Variants in HIRA observed in about 807,000 individuals in gnomAD.
HIRA encodes protein HIRA.
Under a neutral mutation model 126.6 loss-of-function variants are expected in HIRA, and 13 were observed. The ratio of observed to expected loss-of-function variants is 0.10; its 90% CI spans 0.07 to 0.16. The LOEUF (loss-of-function observed/expected upper bound fraction) is 0.16. Among genes scored for constraint, HIRA ranks in the 10% least tolerant of loss-of-function variants. The probability of loss-of-function intolerance (pLI) is 1.00; values close to 1 mark genes in which losing one functional copy is unlikely to be tolerated. For synonymous variants in HIRA, 511 were observed against 520.0 expected (o/e 0.98, Z 0.24); for missense variants, 834 against 1,314.4 (o/e 0.63, Z 5.65).
chr22:19,378,260 G>A (rs1198066586), intron 13 of HIRA, among the ~76,000 whole-genome samples, 194 bp from the exon 14 acceptor site: 3 of 152,206 alleles, frequency 2.0e-5, no homozygotes, highest in East Asian at 3.8e-4. Flanking sequence ...AGGATTTACA[G>A]GTTCTATATG....
chr22:19,410,556 T>C (rs1394952091), intron 2 of HIRA, among the ~76,000 whole-genome samples, 160 bp downstream of exon 2: 1 of 152,268 alleles, frequency 6.6e-6, no homozygotes, highest in Non-Finnish European at 1.5e-5. Flanking sequence ...AGGATTTTGA[T>C]TTTATTCATT....
At position 19,351,477 on chromosome 22, in the gene HIRA, A is replaced by C. The variant is rs1556010882; in HGVS notation, c.2849-31T>G. 22 of 1,464,520 alleles carry C rather than the reference A, an allele frequency of 1.5e-5. No homozygotes were observed. Among genetic ancestry groups the C allele is most frequent in the Non-Finnish European group, 2.1e-5 (22 of 1,051,290 alleles). 90.7% of individuals were successfully genotyped at this position (1,464,520 alleles called of 1,614,324 possible). ...TACAGAAAAACAAACAAACAACAAC[A>C]ACAAAAAACAAAACAGAAATAGGAA... On this transcript the variant is annotated intron_variant, in intron 23 of 24. Transcript: ENST00000263208. The surrounding 1 kb of genome is among the most constrained non-coding windows in gnomAD (Gnocchi z 4.8).
At chr22:19,359,307 G>A (rs993413150) in intron 18 of HIRA, 29 bp downstream of exon 18, 5 of 1,521,130 alleles carry the variant, frequency 3.3e-6, no homozygotes, top group African/African-American at 1.4e-5. Flanking sequence ...TGTGTCACCT[G>A]GGCCGGCTAA....
At chr22:19,385,792 C>A in intron 11 of HIRA, 56 bp from the exon 12 acceptor site, 1 of 1,532,614 alleles carries the variant, frequency 6.5e-7, no homozygotes, top group Non-Finnish European at 8.9e-7. Flanking sequence ...GTGGCCAGTG[C>A]TGCCCACCAG....
In HIRA at chr22:19,375,794, T is replaced by C. The variant is rs988995290; in HGVS notation, c.1614-2A>G. The C allele has an allele frequency of 6.2e-7, 1 of 1,613,918 alleles. No homozygotes were observed. Among genetic ancestry groups the C allele is most frequent in the Non-Finnish European group, 8.5e-7 (1 of 1,179,968 alleles). Reference sequence around the variant, plus strand: ...GCAGGAGTAGAGGTAGCATTCATACTGGGGTGAAGAAGAGGGGAGGCATGT... The same window carrying C: ...GCAGGAGTAGAGGTAGCATTCATACCGGGGTGAAGAAGAGGGGAGGCATGT... On this transcript the variant is annotated splice_acceptor_variant, in intron 14 of 24. Transcript: ENST00000263208. LOFTEE classifies it high-confidence loss of function.
chr22:19,348,236 C>A (rs782155272), intron 24 of HIRA, among the ~76,000 whole-genome samples: 9 of 152,154 alleles, frequency 5.9e-5, no homozygotes, highest in Non-Finnish European at 8.8e-5. Context: ...TCATCTTAGG[C>A]CTCAAACTAT....
At chr22:19,392,067 G>A (rs1048973399) in intron 9 of HIRA, 34 bp downstream of exon 9, 22 of 1,303,270 alleles carry the variant, frequency 1.7e-5, no homozygotes, top group African/African-American at 1.2e-4. Context: ...TACACCTCCC[G>A]TCCTGCAACA....
At position 19,431,424 on chromosome 22, in the gene HIRA, C is replaced by T; in HGVS notation, c.37+16G>A. The T allele has an allele frequency of 1.2e-6, 2 of 1,608,466 alleles. No homozygotes were observed. The highest frequency in any genetic ancestry group is 1.7e-6 in the Non-Finnish European group (2 of 1,178,606). On this transcript the variant is annotated intron_variant, in intron 1 of 24. Coordinates refer to ENST00000263208, the MANE Select transcript of HIRA (RefSeq NM_003325.4). Reference sequence around the variant, plus strand: ...GACTCCGGGCTCGGCCTCCCGCGACCCCTGCGCGCACTCACCATTGTGGTT... The same window carrying T: ...GACTCCGGGCTCGGCCTCCCGCGACTCCTGCGCGCACTCACCATTGTGGTT...
chr22:19,399,909 T>C (rs2089254050), intron 5 of HIRA, among the ~76,000 whole-genome samples: 2 of 152,218 alleles, frequency 1.3e-5, no homozygotes, highest in African/African-American at 4.8e-5. Context: ...TCTAACAACA[T>C]AAATGCAGTG....
chr22:19,359,259 C>T (rs1455959677), intron 18 of HIRA, 77 bp downstream of exon 18: 3 of 1,431,554 alleles, frequency 2.1e-6, no homozygotes, highest in Admixed American at 5.3e-5. Context: ...TGCACCTCCC[C>T]TAGACAGGCC....
chr22:19,377,826 G>C (rs1311609851), intron 14 of HIRA, 43 bp downstream of exon 14: 18 of 1,505,208 alleles, frequency 1.2e-5, no homozygotes, highest in Non-Finnish European at 1.6e-5. Context: ...GTGCAAACCT[G>C]AACTTTCCCC....
intron 6 of HIRA, 86 bp from the exon 7 acceptor site, chr22:19,397,033 G>A (rs1401352727): frequency 7.7e-7 from 1 of 1,293,584 alleles, no homozygotes; most frequent in Non-Finnish European, 1.1e-6. Flanking sequence ...ATATGCAAGA[G>A]AGGGGACTCA....
rs111807876 is a variant in HIRA, at chr22:19,387,848, C to G, written c.1008-32G>C. 303 of 1,519,250 alleles carry G rather than the reference C, an allele frequency of 2.0e-4. 3 individuals are homozygous for G. In the African/African-American group the frequency reaches 3.2e-3, roughly 16 times the overall value. The allele number at this position is 1,519,250 out of a possible 1,614,324, so 94.1% of individuals were successfully genotyped here. On this transcript the variant is annotated intron_variant, in intron 10 of 24. Coordinates refer to ENST00000263208, the MANE Select transcript of HIRA (RefSeq NM_003325.4). Reference sequence around the variant, plus strand: ...GACATGGCCATCAGCAGCCTGGTAGCAAGAGCCCCAGGCAGACACATGTGC... The same window carrying G: ...GACATGGCCATCAGCAGCCTGGTAGGAAGAGCCCCAGGCAGACACATGTGC...
intron 2 of HIRA, among the ~76,000 whole-genome samples, chr22:19,409,409 G>A (rs1032287756): frequency 4.6e-5 from 7 of 151,528 alleles, no homozygotes; most frequent in African/African-American, 4.9e-5. Context: ...TCAGCCTCCC[G>A]ACTAGCTGGG....
Position 19,361,311 on chromosome 22 carries a change from C to A in HIRA, c.2011G>T (p.Ala671Ser). The change falls in exon 17 of 25, where the codon GCC becomes TCC. Residue 671 changes from alanine (A) to serine (S), a missense_variant. Transcript: ENST00000263208. ...SPAALTAEKEAMCLSAPALAL... is the reference protein window; with the variant it reads ...SPAALTAEKESMCLSAPALAL... ...AGTGCTGGTGCAGACAGACACATGG[C>A]CTCCTTCTCTGCGGTTAGGGCAGCT... 1 of 1,614,224 alleles carries A rather than the reference C, an allele frequency of 6.2e-7. No homozygotes were observed. Among genetic ancestry groups the A allele is most frequent in the Non-Finnish European group, 8.5e-7 (1 of 1,180,030 alleles).
At chr22:19,385,249 T>C (rs1444281464) in intron 12 of HIRA, among the ~76,000 whole-genome samples, 1 of 152,232 alleles carries the variant, frequency 6.6e-6, no homozygotes. Context: ...CTAGGATTTT[T>C]AGAAAGACCA....
chr22:19,352,789 G>T (rs945491661), intron 23 of HIRA, among the ~76,000 whole-genome samples: 1 of 152,250 alleles, frequency 6.6e-6, no homozygotes, highest in Non-Finnish European at 1.5e-5. Flanking sequence ...CACCCTGAAG[G>T]CTGCACTCAA....
intron 16 of HIRA, 99 bp downstream of exon 16, chr22:19,361,628 G>A (rs566405307): frequency 8.2e-6 from 10 of 1,219,486 alleles, no homozygotes; most frequent in Admixed American, 7.4e-5. Context: ...GGTTCCCAAG[G>A]TGACCCACCC....
At chr22:19,375,566 C>CA (rs2089009966) in intron 15 of HIRA, 65 bp downstream of exon 15, 5 of 1,553,714 alleles carry the variant, frequency 3.2e-6, no homozygotes, top group African/African-American at 1.4e-5. Context: ...GGAACACTGC[C>CA]ACTGTGCTGT....
Sources: gnomAD v4.1 joint callset for allele counts (sites outside exome capture counted in the v4.1 genomes callset) on GRCh38, gnomAD v4.1.1 for gene constraint, Gnocchi (gnomAD v3.1) non-coding constraint, MANE v1.5 for transcripts, NCBI Gene and HGNC (gene_info 2026-07-23, HGNC 2026-07-21) for gene names.